Variants in CARMIL3 observed in about 807,000 individuals in gnomAD.
CARMIL3 encodes capping protein, Arp2/3 and myosin-I linker protein 3.
In CARMIL3, 88 loss-of-function variants were observed where a neutral mutation model predicts 180.8. The observed-to-expected ratio is 0.49, with a 90% CI of 0.41 to 0.58. CARMIL3 has a LOEUF of 0.58. CARMIL3 is among the 20% of genes least tolerant of loss of function. The probability of loss-of-function intolerance (pLI) is 0.00; values close to 1 mark genes in which losing one functional copy is unlikely to be tolerated. For synonymous variants in CARMIL3, 696 were observed against 714.5 expected, an observed-to-expected ratio of 0.97 and a Z score of 0.41; for missense variants, 1,548 against 1,787.0, an observed-to-expected ratio of 0.87 and a Z score of 2.41.
At position 24,061,793 on chromosome 14, in the gene CARMIL3, A is replaced by G; in HGVS notation, c.2480+121A>G. ...GGCACAATCTCCATTACAAGGATCA[A>G]TCTTTAACCAAGTGCAACCTTGCTA... On this transcript the variant is annotated intron_variant, in intron 27 of 39. Transcript: ENST00000342740. This position sits in a 1 kb window ranked among gnomAD's most constrained non-coding sequence, Gnocchi z 4.1. 1 of 1,144,272 alleles carries G rather than the reference A, an allele frequency of 8.7e-7. No individual in the cohort carries two copies. The highest frequency in any genetic ancestry group is 1.6e-5 in the South Asian group (1 of 63,016). 70.9% of individuals were successfully genotyped at this position (1,144,272 alleles called of 1,614,324 possible).
rs779315376 is a variant in CARMIL3 at position 24,056,343 on chromosome 14, G to A, written c.815G>A (p.Ser272Asn). 6.2e-6 allele frequency: 10 copies of A among 1,614,024 alleles called. No homozygotes were observed. The South Asian group carries it at 9.9e-5, about 16-fold the overall frequency. ...GCCGGGGTGTTTGGGGAGAACGGGAGCTGTGTGCTGCATGCCCTCACTCTG... is the reference window on the plus strand; with the variant it reads ...GCCGGGGTGTTTGGGGAGAACGGGAACTGTGTGCTGCATGCCCTCACTCTG... ...KLAGVFGENG[S>N]CVLHALTLSH... The change falls in exon 11 of 40, where the codon AGC becomes AAC. Residue 272 changes from serine (S) to asparagine (N), a missense_variant. Around this residue, in one of 4 missense-constraint regions of CARMIL3, gnomAD observed 578 missense variants for 666.5 expected, o/e 0.87. Transcript: ENST00000342740.
At chr14:24,052,229 C>A in intron 1 of CARMIL3, 36 bp downstream of exon 1, 15 of 1,558,306 alleles carry the variant, frequency 9.6e-6, no homozygotes, top group Non-Finnish European at 1.2e-5. Context: ...ACGCCCCGTC[C>A]GGGAGCATCC....
At position 24,062,772 on chromosome 14, in the gene CARMIL3, G is replaced by A. The variant is rs776891923; in HGVS notation, c.2632G>A (p.Asp878Asn). The change falls in exon 29 of 40, where the codon GAT (aspartate) becomes AAT (asparagine). Residue 878 changes from aspartate to asparagine, a missense_variant. By Grantham distance (23) the Asp-to-Asn change is conservative. Around this residue, in one of 4 missense-constraint regions of CARMIL3, gnomAD observed 668 missense variants for 687.8 expected, o/e 0.97. Transcript: ENST00000342740. ...ACCAGGGTGCCCAGGCCAAGGGCAGGATCTGTCCTCCCGGGGCCGAGGCCG... is the reference window on the plus strand; with the variant it reads ...ACCAGGGTGCCCAGGCCAAGGGCAGAATCTGTCCTCCCGGGGCCGAGGCCG... ...DPPGCPGQGQ[D>N]LSSRGRGRNH... is the part of the protein sequence containing the mutation. 1 of 1,613,886 alleles carries A rather than the reference G, an allele frequency of 6.2e-7. No homozygotes were observed. The highest frequency in any genetic ancestry group is 1.3e-5 in the African/African-American group (1 of 75,064).
In CARMIL3 at chr14:24,059,680, C is replaced by T. The variant is rs768549702; in HGVS notation, c.1816C>T (p.Arg606Trp). The stretch of plus-strand genomic sequence containing the variant: ...TCCCCCCAGAACTATCCTATGGGAT[C>T]GGAACAATACATCTGCCCTGGGCTT... The part of the protein sequence containing the change: ...NSSLRTILWD[R>W]NNTSALGFLD... The change falls in exon 22 of 40, where the codon CGG becomes TGG. Residue 606 changes from arginine to tryptophan, a missense_variant. By Grantham distance (101) the Arg-to-Trp change is moderately radical (BLOSUM62 -3). Transcript: ENST00000342740. The surrounding 1 kb of genome is among the most constrained non-coding windows in gnomAD (Gnocchi z 6.3). 1.2e-5 allele frequency: 20 copies of T among 1,614,000 alleles called. No homozygotes were observed. The highest frequency in any genetic ancestry group is 1.5e-5 in the Non-Finnish European group (18 of 1,179,986).
At chr14:24,057,366 C>A in intron 14 of CARMIL3, 122 bp downstream of exon 14, 7 of 851,822 alleles carry the variant, frequency 8.2e-6, no homozygotes, top group African/African-American at 1.7e-5. Context: ...ACTTCAGGTT[C>A]AGCTGAAGTA....
chr14:24,059,776 C>T lies in CARMIL3; in HGVS notation c.1868+44C>T, dbSNP rs2035713283. 1 of 1,601,426 alleles carries T rather than the reference C, an allele frequency of 6.2e-7. No individual in the cohort carries two copies. The highest frequency in any genetic ancestry group is 1.7e-5 in the Admixed American group (1 of 59,652). ...TGCCCTGATCCAAGTCCCCAGCCTCCCTGTGCCTGGATCAGGCCTGAACTA... is the reference window on the plus strand; with the variant it reads ...TGCCCTGATCCAAGTCCCCAGCCTCTCTGTGCCTGGATCAGGCCTGAACTA... On this transcript the variant is annotated intron_variant, in intron 22 of 39. Coordinates refer to ENST00000342740, the MANE Select transcript of CARMIL3 (RefSeq NM_138360.4). The surrounding 1 kb of genome is among the most constrained non-coding windows in gnomAD (Gnocchi z 6.3).
In CARMIL3 at chr14:24,060,650, G is replaced by A. The variant is rs749594894; in HGVS notation, c.2084G>A (p.Arg695Gln). 22 of 1,613,858 alleles carry A rather than the reference G, an allele frequency of 1.4e-5. No individual in the cohort carries two copies. The highest frequency in any genetic ancestry group is 8.3e-5 in the Admixed American group (5 of 60,000). ...AEQMLQRLCG[R>Q]VQEEVRALRL... is the part of the protein sequence containing the mutation. ...CAGATGCTGCAGCGGCTGTGTGGAC[G>A]AGTGCAGGAGGAGGTGCGGGCCCTG... The change falls in exon 25 of 40, where the codon CGA becomes CAA. Residue 695 changes from arginine to glutamine, a missense_variant. Around this residue, in one of 4 missense-constraint regions of CARMIL3, gnomAD observed 297 missense variants for 415.9 expected, o/e 0.71. Transcript: ENST00000342740.
rs2035620611 is a variant in CARMIL3, at chr14:24,052,049, C to T, written c.-105C>T. The stretch of plus-strand genomic sequence containing the variant: ...ACCGGAGCGGGCTCGGCCGCTGCTG[C>T]AGCGCTCAGCGCCCGGGCCCTGCTG... On this transcript the variant is annotated 5_prime_UTR_variant, in exon 1 of 40. Coordinates refer to ENST00000342740, the MANE Select transcript of CARMIL3 (RefSeq NM_138360.4). 2 of 1,197,294 alleles carry T rather than the reference C, an allele frequency of 1.7e-6. No homozygotes were observed. The highest frequency in any genetic ancestry group is 2.2e-6 in the Non-Finnish European group (2 of 905,688). The allele number at this position is 1,197,294 out of a possible 1,614,324, so 74.2% of individuals were successfully genotyped here.
chr14:24,063,202 G>C lies in CARMIL3; in HGVS notation c.2770+19G>C, dbSNP rs1003761. 1 of 1,611,052 alleles carries C rather than the reference G, an allele frequency of 6.2e-7. No individual in the cohort carries two copies. The highest frequency in any genetic ancestry group is 8.5e-7 in the Non-Finnish European group (1 of 1,177,630). ...TTCATCAGTGAGTCTCCCAGCCTCC[G>C]TTCTCATGGACTCCAGACTCCCGCC... On this transcript the variant is annotated intron_variant, in intron 30 of 39. Coordinates refer to ENST00000342740, the MANE Select transcript of CARMIL3 (RefSeq NM_138360.4).
chr14:24,065,674 A>T lies in CARMIL3; in HGVS notation c.3449A>T (p.Gln1150Leu), dbSNP rs1253877387. The change falls in exon 34 of 40, where the codon CAG (glutamine) becomes CTG (leucine). Residue 1150 changes from glutamine (Q) to leucine (L), a missense_variant. Coordinates refer to ENST00000342740, the MANE Select transcript of CARMIL3 (RefSeq NM_138360.4). ...GEGGPAPGTA[Q>L]QPRVHGVALP... ...GGGGGCCCAGCCCCTGGGACAGCAC[A>T]GCAGCCAAGGGTTCACGGTGTTGCC... 6.2e-7 allele frequency: 1 copy of T among 1,614,036 alleles called. No individual in the cohort carries two copies. Among genetic ancestry groups the T allele is most frequent in the Admixed American group, 1.7e-5 (1 of 60,020 alleles).
intron 31 of CARMIL3, 141 bp from the exon 32 acceptor site, chr14:24,064,105 A>T: frequency 1.7e-6 from 1 of 605,740 alleles, no homozygotes; most frequent in East Asian, 3.3e-5. Context: ...AAAAAAAAAA[A>T]AAAAAAGAAA....
Position 24,055,120 on chromosome 14 carries a change from G to T in CARMIL3, c.515G>T (p.Arg172Leu), listed in dbSNP as rs377234963. Residue 172 changes from arginine (R) to leucine (L), a missense_variant, in exon 7 of 40, where the codon CGT (arginine) becomes CTT (leucine). Around this residue, in one of 4 missense-constraint regions of CARMIL3, gnomAD observed 578 missense variants for 666.5 expected, o/e 0.87. Coordinates refer to ENST00000342740, the MANE Select transcript of CARMIL3 (RefSeq NM_138360.4). Reference sequence around the variant, plus strand: ...TGTGACTACAATGGGCTACACTGCCGTGAGGAGGTTCAATGGGTATGTTGG... The same window carrying T: ...TGTGACTACAATGGGCTACACTGCCTTGAGGAGGTTCAATGGGTATGTTGG... ...ALCDYNGLHC[R>L]EEVQWDVDTI... 2.5e-6 allele frequency: 4 copies of T among 1,613,994 alleles called. No individual in the cohort carries two copies. The highest frequency in any genetic ancestry group is 3.4e-6 in the Non-Finnish European group (4 of 1,180,006).
At chr14:24,053,946 G>A (rs2035644695) in intron 2 of CARMIL3, 142 bp from the exon 3 acceptor site, 2 of 1,165,034 alleles carry the variant, frequency 1.7e-6, no homozygotes, top group Admixed American at 2.2e-5. Context: ...GGCAGGGCTG[G>A]ACTGTGTTGA....
In CARMIL3 at chr14:24,065,113, T is replaced by TC; in HGVS notation, c.3239dup (p.Pro1081SerfsTer14). On this transcript the variant is annotated frameshift_variant, in exon 33 of 40. Coordinates refer to ENST00000342740, the MANE Select transcript of CARMIL3 (RefSeq NM_138360.4). LOFTEE classifies it high-confidence loss of function. The stretch of plus-strand genomic sequence containing the variant: ...GGGTCCCCTACCACTGGACTCCTCC[T>TC]CCCTCCACCCCCACCCCCTCCCCCG... 5 of 1,435,664 alleles carry TC rather than the reference T, an allele frequency of 3.5e-6. No individual in the cohort carries two copies. Among genetic ancestry groups the TC allele is most frequent in the Non-Finnish European group, 4.7e-6 (5 of 1,070,192 alleles). The allele number at this position is 1,435,664 out of a possible 1,614,324, so 88.9% of individuals were successfully genotyped here. A position where few individuals can be genotyped will look rare whatever the true frequency, so the allele number is the denominator to read the frequency against.
At chr14:24,060,107 G>A (rs964783791) in intron 23 of CARMIL3, 44 bp downstream of exon 23, 1 of 1,613,344 alleles carries the variant, frequency 6.2e-7, no homozygotes, top group Non-Finnish European at 8.5e-7. Context: ...CAAGGGGCAG[G>A]GGGCAGCCCC....
chr14:24,068,469 G>T, intron 36 of CARMIL3, 115 bp from the exon 37 acceptor site: 1 of 785,974 alleles, frequency 1.3e-6, no homozygotes, highest in Non-Finnish European at 2.0e-6. Context: ...ATAGGAGCAA[G>T]TGGGCTTGGA....
chr14:24,054,390 C>T lies in CARMIL3; in HGVS notation c.247-6C>T. The stretch of plus-strand genomic sequence containing the variant: ...GTCTGAGGCTCTGACGCTTCGTCTC[C>T]CCCAGATCCTGGTGGAGACGGAGCG... On this transcript the variant is annotated splice_polypyrimidine_tract_variant and splice_region_variant and intron_variant, in intron 4 of 39. Transcript: ENST00000342740. This position sits in a 1 kb window ranked among gnomAD's most constrained non-coding sequence, Gnocchi z 5.1. The T allele has an allele frequency of 1.2e-6, 2 of 1,614,092 alleles. No individual in the cohort carries two copies. Among genetic ancestry groups the T allele is most frequent in the South Asian group, 1.1e-5 (1 of 91,080 alleles).
chr14:24,056,624 T>G lies in CARMIL3; in HGVS notation c.868T>G (p.Phe290Val). Residue 290 changes from phenylalanine (F) to valine (V), a missense_variant and splice_region_variant, in exon 12 of 40, where the codon TTT becomes GTT. Physicochemically the swap from Phe to Val is conservative, Grantham distance 50. Transcript: ENST00000342740. ...LSHNPIEDKG[F>V]LSLSQQLLCF... ...CCGTTTCTCTCTCCACTCCCCAGGTTTTCTCAGTCTGAGCCAGCAGCTCCT... is the reference window on the plus strand; with the variant it reads ...CCGTTTCTCTCTCCACTCCCCAGGTGTTCTCAGTCTGAGCCAGCAGCTCCT... 6.2e-7 allele frequency: 1 copy of G among 1,613,898 alleles called. No individual in the cohort carries two copies. The highest frequency in any genetic ancestry group is 8.5e-7 in the Non-Finnish European group (1 of 1,180,004).
intron 9 of CARMIL3, 35 bp downstream of exon 9, chr14:24,055,653 G>T: frequency 6.2e-7 from 1 of 1,613,936 alleles, no homozygotes; most frequent in South Asian, 1.1e-5. Context: ...GGTGGGAGAA[G>T]TAGTGCCCCC....
Sources: gnomAD v4.1 joint callset for allele counts on GRCh38, gnomAD v4.1.1 for gene constraint, gnomAD v4.1.1 regional missense constraint, Gnocchi (gnomAD v3.1) non-coding constraint, MANE v1.5 for transcripts, NCBI Gene and HGNC (gene_info 2026-07-23, HGNC 2026-07-21) for gene names.